Variants in CAST observed in about 807,000 individuals in gnomAD.
CAST encodes the protein calpastatin.
In CAST, 76 loss-of-function variants were observed where a neutral mutation model predicts 119.6. That is an observed-to-expected ratio of 0.64 (90% CI 0.53 to 0.77). The LOEUF (loss-of-function observed/expected upper bound fraction) is 0.77, where lower values mean the gene tolerates loss of function less well. CAST is among the 30% of genes least tolerant of loss of function. The pLI, the probability that CAST is intolerant of heterozygous loss-of-function variation, is 0.00. For synonymous variants in CAST, 319 were observed against 331.6 expected, an observed-to-expected ratio of 0.96 and a Z score of 0.41; for missense variants, 953 against 946.5, an observed-to-expected ratio of 1.01 and a Z score of -0.09.
the CAST span, among the ~76,000 whole-genome samples, chr5:96,408,489 C>G: frequency 4.4e-4 from 67 of 152,322 alleles, no homozygotes; most frequent in African/African-American, 1.5e-3. Context: ...TTGCCATCTG[C>G]TGATATTTTA....
At chr5:96,100,344 G>A in the CAST span, among the ~76,000 whole-genome samples, 1 of 152,182 alleles carries the variant, frequency 6.6e-6, no homozygotes, top group Non-Finnish European at 1.5e-5. Context: ...TGACATGCTA[G>A]CTTCTGCCTC....
intron 2 of CAST, among the ~76,000 whole-genome samples, chr5:96,694,024 C>A (rs1345139147): frequency 6.6e-6 from 1 of 152,092 alleles, no homozygotes; most frequent in Non-Finnish European, 1.5e-5. Context: ...TTGAGGACAG[C>A]AAACTAAGTT....
the CAST span, among the ~76,000 whole-genome samples, chr5:96,495,643 A>G: frequency 6.6e-6 from 1 of 152,178 alleles, no homozygotes; most frequent in Non-Finnish European, 1.5e-5. Context: ...CATATGTGCC[A>G]CATTTTCTTT....
At chr5:96,150,403 G>C in the CAST span, among the ~76,000 whole-genome samples, 1 of 152,180 alleles carries the variant, frequency 6.6e-6, no homozygotes, top group Non-Finnish European at 1.5e-5. Context: ...TCACTGTGCT[G>C]TAAGGTTCCC....
chr5:96,106,577 G>C, the CAST span, among the ~76,000 whole-genome samples: 6 of 148,276 alleles, frequency 4.0e-5, no homozygotes, highest in Non-Finnish European at 9.0e-5. Context: ...ATTGCACTGT[G>C]GTCTGAGAGA....
chr5:96,655,497 C>T (rs920681733), intron 1 of CAST, among the ~76,000 whole-genome samples: 16 of 152,276 alleles, frequency 1.1e-4, no homozygotes, highest in African/African-American at 2.6e-4. Context: ...ATGCAGATGG[C>T]TCTCCACATA....
At chr5:96,226,365 T>C in the CAST span, among the ~76,000 whole-genome samples, 5 of 152,116 alleles carry the variant, frequency 3.3e-5, no homozygotes, top group Admixed American at 3.3e-4. Context: ...AAAGATCTAA[T>C]GTAGGCTGGG....
chr5:96,486,481 A>C, the CAST span, among the ~76,000 whole-genome samples: 1 of 152,184 alleles, frequency 6.6e-6, no homozygotes, highest in Non-Finnish European at 1.5e-5. Context: ...TAATGAGCAG[A>C]AACAACCAAA....
At chr5:96,308,556 GC>G in the CAST span, among the ~76,000 whole-genome samples, 1 of 151,988 alleles carries the variant, frequency 6.6e-6, no homozygotes, top group South Asian at 2.1e-4. Flanking sequence ...GGAATTTTCA[GC>G]CTTTTTGCGC....
chr5:96,090,631 TTTATG>T, the CAST span, among the ~76,000 whole-genome samples: 93,501 of 151,206 alleles, frequency 0.62, 29,062 homozygotes, highest in South Asian at 0.68. Flanking sequence ...AAAAGACTTT[TTTATG>T]TTTTGTTTTT....
the CAST span, among the ~76,000 whole-genome samples, chr5:96,196,078 T>C: frequency 1.3e-5 from 2 of 152,192 alleles, no homozygotes; most frequent in Admixed American, 1.3e-4. Flanking sequence ...TGGACAGTTA[T>C]CTCTATTAAG....
chr5:96,006,426 G>T, the CAST span, among the ~76,000 whole-genome samples: 5 of 152,102 alleles, frequency 3.3e-5, no homozygotes, highest in African/African-American at 1.2e-4. Context: ...ATTTGTGTTG[G>T]GCCACATTCC....
the CAST span, among the ~76,000 whole-genome samples, chr5:96,440,388 G>A: frequency 1.3e-5 from 2 of 152,056 alleles, no homozygotes; most frequent in Non-Finnish European, 2.9e-5. Flanking sequence ...ACCTACCCAC[G>A]CTGCAGCTGT....
chr5:96,424,693 T>A, the CAST span, among the ~76,000 whole-genome samples: 1 of 152,154 alleles, frequency 6.6e-6, no homozygotes, highest in Non-Finnish European at 1.5e-5. Context: ...CCCGGTGCGG[T>A]GGCTCATGCC....
At chr5:96,146,131 A>T in the CAST span, among the ~76,000 whole-genome samples, 26 of 152,370 alleles carry the variant, frequency 1.7e-4, no homozygotes, top group African/African-American at 6.0e-4. Context: ...TGGGGGCATG[A>T]CAAAGAATTT....
chr5:96,282,352 C>T, the CAST span, among the ~76,000 whole-genome samples: 13 of 152,262 alleles, frequency 8.5e-5, no homozygotes, highest in East Asian at 7.7e-4. Context: ...AATCTACTTC[C>T]GCTATCATTT....
intron 1 of CAST, among the ~76,000 whole-genome samples, chr5:96,557,813 A>G (rs2150183735): frequency 6.6e-6 from 1 of 152,302 alleles, no homozygotes; most frequent in South Asian, 2.1e-4. Flanking sequence ...GAAAGTTAAC[A>G]AGGATATCCA....
At chr5:96,507,158 G>A in the CAST span, among the ~76,000 whole-genome samples, 45 of 152,170 alleles carry the variant, frequency 3.0e-4, no homozygotes, top group African/African-American at 1.0e-3. Flanking sequence ...CAGCACCCTC[G>A]GAAGGGAAAT....
chr5:95,961,486 G>T, the CAST span: 1 of 1,340,162 alleles, frequency 7.5e-7, no homozygotes, highest in South Asian at 2.0e-5. Flanking sequence ...TGCCAGCCAC[G>T]GCTCCGCCGG....
Sources: gnomAD v4.1 joint callset for allele counts (sites outside exome capture counted in the v4.1 genomes callset) on GRCh38, gnomAD v4.1.1 for gene constraint, MANE v1.5 for transcripts, NCBI Gene and HGNC (gene_info 2026-07-23, HGNC 2026-07-21) for gene names.